NFATC2: variants seen among roughly 807,000 people sequenced by gnomAD.
NFATC2 encodes the protein nuclear factor of activated T-cells, cytoplasmic 2.
Under a neutral mutation model 87.3 loss-of-function variants are expected in NFATC2, and 22 were observed. The observed-to-expected ratio is 0.25, with a 90% confidence interval of 0.18 to 0.36. The LOEUF (loss-of-function observed/expected upper bound fraction) is 0.36, where lower values mean the gene tolerates loss of function less well. Among genes scored for constraint, NFATC2 ranks in the 10% least tolerant of loss-of-function variants. NFATC2 has a pLI of 1.00. For synonymous variants in NFATC2, 565 were observed against 542.2 expected, an observed-to-expected ratio of 1.04 and a Z score of -0.58; for missense variants, 1,149 against 1,259.1, an observed-to-expected ratio of 0.91 and a Z score of 1.32.
intron 2 of NFATC2, among the ~76,000 whole-genome samples, chr20:51,521,774 T>C (rs2076449586): frequency 6.6e-6 from 1 of 152,254 alleles, no homozygotes; most frequent in Admixed American, 6.5e-5. Flanking sequence ...TTAGCCCTCA[T>C]GTACCTCCTT....
intron 1 of NFATC2, among the ~76,000 whole-genome samples, chr20:51,556,714 T>A (rs1378166930): frequency 6.6e-4 from 4 of 6,102 alleles, no homozygotes; most frequent in Non-Finnish European, 4.2e-3. Flanking sequence ...ACAGTGCCCG[T>A]TGAGGAGGAG....
At chr20:51,470,951 A>C (rs948006612) in intron 5 of NFATC2, among the ~76,000 whole-genome samples, 3 of 152,234 alleles carry the variant, frequency 2.0e-5, no homozygotes, top group Non-Finnish European at 4.4e-5. Flanking sequence ...AAAGGATTTC[A>C]TAGAACCAGA....
chr20:51,552,808 A>AT (rs538904804), intron 1 of NFATC2, among the ~76,000 whole-genome samples: 60 of 151,950 alleles, frequency 3.9e-4, no homozygotes, highest in African/African-American at 1.4e-3. Context: ...TAATATTTTT[A>AT]TTTTTTTTAA....
chr20:51,499,067 A>T (rs979875829), intron 3 of NFATC2, among the ~76,000 whole-genome samples: 1 of 152,202 alleles, frequency 6.6e-6, no homozygotes, highest in South Asian at 2.1e-4. Flanking sequence ...GCAGGCAGGG[A>T]CCGGGTGACA....
intron 5 of NFATC2, among the ~76,000 whole-genome samples, chr20:51,470,290 A>G (rs1329501556): frequency 1.3e-5 from 2 of 152,156 alleles, no homozygotes; most frequent in Non-Finnish European, 2.9e-5. Context: ...AGAATAAGGA[A>G]AGGAGCAGTC....
chr20:51,399,680 C>T (rs1208967485), intron 9 of NFATC2, among the ~76,000 whole-genome samples: 20 of 152,126 alleles, frequency 1.3e-4, no homozygotes, highest in Admixed American at 1.3e-3. Flanking sequence ...AGAAGCACTT[C>T]ATCTCTCCTC....
At chr20:51,487,745 C>A (rs974705109) in intron 3 of NFATC2, among the ~76,000 whole-genome samples, 11 of 152,110 alleles carry the variant, frequency 7.2e-5, no homozygotes, top group Non-Finnish European at 8.8e-5. Context: ...CGCCCCCACA[C>A]CAAAGACTGT....
At position 51,517,689 on chromosome 20, in the gene NFATC2, G is replaced by A. The variant is rs541662718; in HGVS notation, c.1161-734C>T. On this transcript the variant is annotated intron_variant, in intron 2 of 10. Coordinates refer to ENST00000371564, the MANE Select transcript of NFATC2 (RefSeq NM_012340.5). ...CCCAACACTATGGGAGGCTGAGGTG[G>A]GCAGATCACTGGAGGCCAGGAGTTC... Among the ~76,000 whole-genome samples the A allele has an allele frequency of 2.3e-4, 35 of 152,166 alleles. No homozygotes were observed. The South Asian group carries it at 4.4e-3, about 19-fold the overall frequency.
chr20:51,515,425 A>G (rs190606389), intron 3 of NFATC2, among the ~76,000 whole-genome samples: 6 of 152,310 alleles, frequency 3.9e-5, no homozygotes, highest in African/African-American at 1.4e-4. Context: ...CCTAAAACCA[A>G]TCCTCAAATA....
At chr20:51,529,993 G>T (rs958397002) in intron 1 of NFATC2, among the ~76,000 whole-genome samples, 1 of 152,068 alleles carries the variant, frequency 6.6e-6, no homozygotes, top group South Asian at 2.1e-4. Flanking sequence ...AGAGTTTGAC[G>T]AGTTTTGCCA....
chr20:51,510,797 G>T (rs2076261089), intron 3 of NFATC2, among the ~76,000 whole-genome samples: 1 of 152,062 alleles, frequency 6.6e-6, no homozygotes, highest in Non-Finnish European at 1.5e-5. Context: ...GAGATTTAGG[G>T]TTTTATAAGA....
rs1460382311 is a variant in NFATC2 at position 51,388,287 on chromosome 20, C to G, written c.*3209G>C. 6.6e-6 allele frequency: 1 copy of G among 152,124 alleles called. No homozygotes were observed. Among genetic ancestry groups the G allele is most frequent in the Admixed American group, 6.5e-5 (1 of 15,274 alleles). 9.4% of individuals were successfully genotyped at this position (152,124 alleles called of 1,614,324 possible). A position where few individuals can be genotyped will look rare whatever the true frequency, so the allele number is the denominator to read the frequency against. The stretch of plus-strand genomic sequence containing the variant: ...TTATTTTGGGGGGAGGATCTAGACA[C>G]TTGATGATTCTCAGTGACCAGATCC... On this transcript the variant is annotated 3_prime_UTR_variant, in exon 11 of 11. Coordinates refer to ENST00000371564, the MANE Select transcript of NFATC2 (RefSeq NM_012340.5).
chr20:51,434,975 T>C (rs116441481), intron 8 of NFATC2, among the ~76,000 whole-genome samples: 2,396 of 152,310 alleles, frequency 0.016, 66 homozygotes, highest in African/African-American at 0.054. Context: ...ATCACTGACA[T>C]CAGCTTACTT....
At chr20:51,484,699 T>A (rs1989562609) in intron 3 of NFATC2, among the ~76,000 whole-genome samples, 1 of 152,218 alleles carries the variant, frequency 6.6e-6, no homozygotes, top group Admixed American at 6.5e-5. Context: ...GACCATTGTG[T>A]CACAGAGCCT....
intron 6 of NFATC2, among the ~76,000 whole-genome samples, chr20:51,437,602 G>A (rs1983758604): frequency 6.6e-6 from 1 of 150,722 alleles, no homozygotes; most frequent in South Asian, 2.1e-4. Flanking sequence ...TTAATATAAA[G>A]TATTGTGATT....
At chr20:51,478,498 T>C (rs1252159719) in intron 3 of NFATC2, among the ~76,000 whole-genome samples, 1 of 152,092 alleles carries the variant, frequency 6.6e-6, no homozygotes, top group Admixed American at 6.5e-5. Flanking sequence ...TAAAAATCTA[T>C]CGTGTCCCTA....
chr20:51,445,413 T>C (rs1984934301), intron 6 of NFATC2, among the ~76,000 whole-genome samples: 1 of 152,142 alleles, frequency 6.6e-6, no homozygotes, highest in Admixed American at 6.6e-5. Flanking sequence ...CAGCAAGAGC[T>C]CCCTGACTCC....
Position 51,388,348 on chromosome 20 carries a change from A to T in NFATC2, c.*3148T>A, listed in dbSNP as rs1440808729. On this transcript the variant is annotated 3_prime_UTR_variant, in exon 11 of 11. Coordinates refer to ENST00000371564, the MANE Select transcript of NFATC2 (RefSeq NM_012340.5). ...CTGAAGTCAGCATAATTCTTGAGCA[A>T]GAAAAAGGTGATTCCTTCTTCCACA... 2.0e-5 allele frequency: 3 copies of T among 152,350 alleles called. No homozygotes were observed. The highest frequency in any genetic ancestry group is 1.3e-4 in the Admixed American group (2 of 15,308). The allele number at this position is 152,350 out of a possible 1,614,324, so 9.4% of individuals were successfully genotyped here.
At chr20:51,528,774 A>C (rs1028996934) in intron 1 of NFATC2, among the ~76,000 whole-genome samples, 2 of 152,232 alleles carry the variant, frequency 1.3e-5, no homozygotes, top group Non-Finnish European at 2.9e-5. Context: ...TTTACGAAGC[A>C]GGAAATGAAG....
Sources: gnomAD v4.1 joint callset for allele counts (sites outside exome capture counted in the v4.1 genomes callset) on GRCh38, gnomAD v4.1.1 for gene constraint, MANE v1.5 for transcripts, NCBI Gene and HGNC (gene_info 2026-07-23, HGNC 2026-07-21) for gene names.